STAU1: variants seen among roughly 807,000 people sequenced by gnomAD.
The protein encoded by STAU1 is double-stranded RNA-binding protein Staufen homolog 1.
Under a neutral mutation model 62.9 loss-of-function variants are expected in STAU1, and 13 were observed. That is an observed-to-expected ratio of 0.21 (90% CI 0.13 to 0.33). The LOEUF (loss-of-function observed/expected upper bound fraction) is 0.33. Ranked by LOEUF, STAU1 falls within the 10% of genes least tolerant of loss-of-function variation. The pLI, the probability that STAU1 is intolerant of heterozygous loss-of-function variation, is 1.00. For synonymous variants in STAU1, 269 were observed against 265.1 expected (o/e 1.01, Z -0.14); for missense variants, 571 against 712.1 (o/e 0.80, Z 2.25).
chr20:49,159,160 A>AAC, intron 3 of STAU1: 4 of 1,083,458 alleles, frequency 3.7e-6, no homozygotes, highest in Non-Finnish European at 4.5e-6. Flanking sequence ...AAAAAAAAAA[A>AAC]ACACACAAAG....
intron 6 of STAU1, among the ~76,000 whole-genome samples, chr20:49,125,037 C>CACTGATAAAG (rs1185295154): frequency 3.2e-5 from 4 of 125,384 alleles, no homozygotes; most frequent in Non-Finnish European, 4.8e-5. Context: ...ATCTCTTAAG[C>CACTGATAAAG]ACTGATAAAG....
At chr20:49,161,029 C>T (rs1366729988) in intron 3 of STAU1, among the ~76,000 whole-genome samples, 2 of 152,102 alleles carry the variant, frequency 1.3e-5, no homozygotes, top group African/African-American at 4.8e-5. Context: ...GTTTTAAAAG[C>T]AAAATATGGC....
chr20:49,207,051 G>T, the STAU1 span, among the ~76,000 whole-genome samples: 1 of 151,902 alleles, frequency 6.6e-6, no homozygotes, highest in South Asian at 2.1e-4. Context: ...ACCTCGCCTG[G>T]CCAAAAAAAT....
chr20:49,208,478 C>T, the STAU1 span, among the ~76,000 whole-genome samples: 5 of 151,972 alleles, frequency 3.3e-5, no homozygotes, highest in African/African-American at 1.2e-4. Context: ...GCTGGGATTA[C>T]AGGCGTGAGC....
chr20:49,153,537 C>T (rs1019137599), intron 4 of STAU1, among the ~76,000 whole-genome samples: 9 of 144,274 alleles, frequency 6.2e-5, no homozygotes, highest in Non-Finnish European at 1.4e-4. Flanking sequence ...AAAACCCCGT[C>T]TCTACTAAAA....
At chr20:49,206,000 T>TC in the STAU1 span, among the ~76,000 whole-genome samples, 1 of 149,250 alleles carries the variant, frequency 6.7e-6, no homozygotes, top group South Asian at 2.1e-4. Context: ...TTTTTTTTTT[T>TC]TGAGACAGAG....
the STAU1 span, among the ~76,000 whole-genome samples, chr20:49,193,684 C>G: frequency 6.6e-6 from 1 of 151,624 alleles, no homozygotes; most frequent in African/African-American, 2.4e-5. Flanking sequence ...CTCAAAAAAA[C>G]GGGCCGGGCG....
chr20:49,125,475 A>T (rs1416533860), intron 6 of STAU1, among the ~76,000 whole-genome samples: 1 of 148,846 alleles, frequency 6.7e-6, no homozygotes, highest in Non-Finnish European at 1.5e-5. Flanking sequence ...GGTTGCAGTG[A>T]TCCAAGATCA....
intron 5 of STAU1, among the ~76,000 whole-genome samples, chr20:49,147,092 T>C (rs2093146407): frequency 6.6e-6 from 1 of 152,224 alleles, no homozygotes. Flanking sequence ...TCCCTGCCCT[T>C]TGCTGATCTT....
the STAU1 span, among the ~76,000 whole-genome samples, chr20:49,217,695 T>A: frequency 0.014 from 1,355 of 97,642 alleles, 26 homozygotes; most frequent in African/African-American, 0.037. Context: ...ATATATATAT[T>A]TTTAGGCCAG....
the STAU1 span, among the ~76,000 whole-genome samples, chr20:49,195,453 G>C: frequency 1.4e-4 from 20 of 147,138 alleles, no homozygotes; most frequent in East Asian, 4.0e-3. Context: ...CAAGAGAATG[G>C]CGTGAACCCG....
chr20:49,142,085 T>G (rs1282504314), intron 5 of STAU1, among the ~76,000 whole-genome samples: 4 of 124,398 alleles, frequency 3.2e-5, no homozygotes, highest in African/African-American at 3.0e-5. Flanking sequence ...CAACAAATAT[T>G]TATTTTTTAT....
chr20:49,163,901 A>T (rs966423541), intron 3 of STAU1, among the ~76,000 whole-genome samples: 2 of 151,990 alleles, frequency 1.3e-5, no homozygotes, highest in African/African-American at 4.8e-5. Context: ...AGTAGCTGGG[A>T]CAACAGGTGC....
chr20:49,158,152 C>T (rs1000891958), intron 3 of STAU1, among the ~76,000 whole-genome samples: 2 of 151,786 alleles, frequency 1.3e-5, no homozygotes, highest in African/African-American at 2.4e-5. Context: ...TGTGGTAGTA[C>T]GTGTCTGTAA....
At chr20:49,157,292 G>A (rs771752879) in intron 3 of STAU1, among the ~76,000 whole-genome samples, 50 of 152,164 alleles carry the variant, frequency 3.3e-4, no homozygotes, top group Non-Finnish European at 5.1e-4. Context: ...CAATGTGTTT[G>A]TGGGCTCTTG....
chr20:49,208,696 T>C, the STAU1 span, among the ~76,000 whole-genome samples: 1 of 151,334 alleles, frequency 6.6e-6, no homozygotes, highest in Admixed American at 6.6e-5. Flanking sequence ...CTCGGCTCAC[T>C]GCAAGCTCTG....
chr20:49,184,089 C>A (rs2146613527), intron 1 of STAU1, among the ~76,000 whole-genome samples: 1 of 152,106 alleles, frequency 6.6e-6, no homozygotes, highest in African/African-American at 2.4e-5. Context: ...GCCACCCAGC[C>A]CGGCTAATTT....
chr20:49,137,122 C>T (rs1293670755), intron 5 of STAU1, among the ~76,000 whole-genome samples: 1 of 152,154 alleles, frequency 6.6e-6, no homozygotes, highest in Non-Finnish European at 1.5e-5. Context: ...TGTGATCATG[C>T]CTGTAAACAG....
chr20:49,193,728 G>A, the STAU1 span, among the ~76,000 whole-genome samples: 4 of 151,950 alleles, frequency 2.6e-5, no homozygotes, highest in African/African-American at 9.7e-5. Context: ...CAGCACTTTG[G>A]GAGGCCAAGG....
Sources: allele counts gnomAD v4.1 joint callset (sites outside exome capture counted in the v4.1 genomes callset), GRCh38; gene constraint gnomAD v4.1.1; transcripts MANE v1.5; gene names NCBI Gene and HGNC (gene_info 2026-07-23, HGNC 2026-07-21).